Variants in UBE2E2 observed in about 807,000 individuals in gnomAD.
UBE2E2 encodes the protein ubiquitin-conjugating enzyme E2 E2.
Under a neutral mutation model 24.7 loss-of-function variants are expected in UBE2E2, and 6 were observed. That is an observed-to-expected ratio of 0.24 (90% confidence interval 0.13 to 0.48). The LOEUF (loss-of-function observed/expected upper bound fraction) is 0.48. UBE2E2 is among the 20% of genes least tolerant of loss of function. UBE2E2 has a pLI of 0.99. For synonymous variants in UBE2E2, 104 were observed against 83.6 expected (o/e 1.24, Z -1.33); for missense variants, 169 against 245.0 (o/e 0.69, Z 2.07).
intron 5 of UBE2E2, among the ~76,000 whole-genome samples, chr3:23,542,257 G>T (rs994474911): frequency 6.6e-6 from 1 of 152,132 alleles, no homozygotes; most frequent in African/African-American, 2.4e-5. Context: ...TACTATAAAT[G>T]GTTCTGTATC....
intron 3 of UBE2E2, among the ~76,000 whole-genome samples, chr3:23,396,388 T>G (rs1196352865): frequency 2.0e-5 from 3 of 149,328 alleles, no homozygotes; most frequent in South Asian, 2.1e-4. Context: ...TATATATGTA[T>G]GTATATGTGT....
chr3:23,575,661 C>T (rs564919310), intron 5 of UBE2E2, among the ~76,000 whole-genome samples: 5 of 152,078 alleles, frequency 3.3e-5, no homozygotes, highest in Admixed American at 3.3e-4. Flanking sequence ...GGTGAGAATG[C>T]CCAGAAAGAG....
In UBE2E2 at chr3:23,252,272, A is replaced by C. The variant is rs184604381; in HGVS notation, c.227+34960A>C. On this transcript the variant is annotated intron_variant, in intron 3 of 5. Transcript: ENST00000396703. ...TTGTTGCATCTATGAACTATACAGC[A>C]GTGTGTATGATGGTGTGAGTTATAA... Among the ~76,000 whole-genome samples, 391 of 152,318 alleles carry C rather than the reference A, an allele frequency of 2.6e-3. 3 individuals carry two copies. The highest frequency in any genetic ancestry group is 9.0e-3 in the African/African-American group (374 of 41,564).
intron 3 of UBE2E2, among the ~76,000 whole-genome samples, chr3:23,379,460 G>T (rs1213806356): frequency 7.3e-6 from 1 of 137,382 alleles, no homozygotes; most frequent in East Asian, 2.1e-4. Flanking sequence ...TGATCTCATT[G>T]TTCAATTCCC....
chr3:23,219,738 C>T (rs1017653939), intron 3 of UBE2E2, among the ~76,000 whole-genome samples: 1 of 152,148 alleles, frequency 6.6e-6, no homozygotes, highest in Admixed American at 6.5e-5. Context: ...CTCTCAAAAC[C>T]CTGCCTTTTG....
At chr3:23,539,046 G>C (rs999940021) in intron 5 of UBE2E2, among the ~76,000 whole-genome samples, 1 of 152,118 alleles carries the variant, frequency 6.6e-6, no homozygotes, top group African/African-American at 2.4e-5. Flanking sequence ...TTAGATCTTG[G>C]ATTCCCTAGT....
chr3:23,288,298 T>A (rs796479474), intron 3 of UBE2E2, among the ~76,000 whole-genome samples: 14 of 152,352 alleles, frequency 9.2e-5, no homozygotes, highest in African/African-American at 3.1e-4. Flanking sequence ...TATTTCAGTT[T>A]TTTAAAATGT....
intron 3 of UBE2E2, among the ~76,000 whole-genome samples, chr3:23,473,228 G>C (rs140910023): frequency 6.6e-6 from 1 of 151,114 alleles, no homozygotes. Context: ...GTTTAAATGG[G>C]AAAAAAAAGC....
At chr3:23,372,382 T>C (rs1696419440) in intron 3 of UBE2E2, among the ~76,000 whole-genome samples, 1 of 152,204 alleles carries the variant, frequency 6.6e-6, no homozygotes, top group South Asian at 2.1e-4. Context: ...CCAATTTATT[T>C]CACTTATAAC....
chr3:23,438,238 G>T (rs1333648327), intron 3 of UBE2E2, among the ~76,000 whole-genome samples: 1 of 152,146 alleles, frequency 6.6e-6, no homozygotes, highest in Non-Finnish European at 1.5e-5. Flanking sequence ...AGTTGAGAAG[G>T]TTCAGGAATT....
At chr3:23,446,704 T>TTTG (rs1371257658) in intron 3 of UBE2E2, among the ~76,000 whole-genome samples, 1 of 140,830 alleles carries the variant, frequency 7.1e-6, no homozygotes, top group Non-Finnish European at 1.5e-5. Context: ...GTTTGGTTTT[T>TTTG]TTTTTTTTTT....
intron 3 of UBE2E2, among the ~76,000 whole-genome samples, chr3:23,476,673 G>A (rs1699145587): frequency 6.6e-6 from 1 of 152,026 alleles, no homozygotes. Flanking sequence ...GGACAACAGA[G>A]CAAGACCCTG....
At chr3:23,531,327 G>C (rs1695118364) in intron 4 of UBE2E2, among the ~76,000 whole-genome samples, 2 of 152,130 alleles carry the variant, frequency 1.3e-5, no homozygotes, top group South Asian at 4.2e-4. Flanking sequence ...TGAGATTTTT[G>C]TATATTTCAA....
chr3:23,589,273 A>T lies in UBE2E2; in HGVS notation c.509-461A>T, dbSNP rs1328339140. The stretch of plus-strand genomic sequence containing the variant: ...AATTACAAAAAAAAATTTGAAAATT[A>T]GCCAGGTGTTGTTGCACACACCTGT... On this transcript the variant is annotated intron_variant, in intron 5 of 5. Transcript: ENST00000396703. This position sits in a 1 kb window ranked among gnomAD's most constrained non-coding sequence, Gnocchi z 4.1. Among the ~76,000 whole-genome samples the T allele has an allele frequency of 6.6e-6, 1 of 151,940 alleles. No homozygotes were observed. The highest frequency in any genetic ancestry group is 1.9e-4 in the East Asian group (1 of 5,174).
intron 3 of UBE2E2, among the ~76,000 whole-genome samples, chr3:23,316,460 A>T (rs1694581921): frequency 1.3e-5 from 2 of 151,608 alleles, no homozygotes; most frequent in African/African-American, 2.4e-5. Flanking sequence ...AGGGCTCTTC[A>T]CTTAGCTTGT....
chr3:23,568,975 C>G (rs1575714144), intron 5 of UBE2E2, among the ~76,000 whole-genome samples: 1 of 151,712 alleles, frequency 6.6e-6, no homozygotes, highest in African/African-American at 2.4e-5. Flanking sequence ...AATCCTACAA[C>G]TAAATATATA....
chr3:23,527,844 TC>T (rs1695034943), intron 4 of UBE2E2, among the ~76,000 whole-genome samples: 1 of 150,310 alleles, frequency 6.7e-6, no homozygotes, highest in African/African-American at 2.5e-5. Context: ...CCCTTATGGC[TC>T]GTACCTTACC....
At chr3:23,242,661 A>G (rs550835099) in intron 3 of UBE2E2, among the ~76,000 whole-genome samples, 1 of 152,284 alleles carries the variant, frequency 6.6e-6, no homozygotes, top group Non-Finnish European at 1.5e-5. Context: ...GAAGGAGTAC[A>G]TTCTACTAAC....
intron 3 of UBE2E2, among the ~76,000 whole-genome samples, chr3:23,225,429 G>C (rs1375088482): frequency 1.3e-5 from 2 of 152,054 alleles, no homozygotes; most frequent in African/African-American, 4.8e-5. Flanking sequence ...TACAGTTTTA[G>C]CTTTTACATT....
Sources: gnomAD v4.1 joint callset for allele counts (sites outside exome capture counted in the v4.1 genomes callset) on GRCh38, gnomAD v4.1.1 for gene constraint, Gnocchi (gnomAD v3.1) non-coding constraint, MANE v1.5 for transcripts, NCBI Gene and HGNC (gene_info 2026-07-23, HGNC 2026-07-21) for gene names.